The following SOX6 variants were observed in gnomAD, a reference collection of about 807,000 sequenced individuals.
SOX6 encodes the protein transcription factor SOX-6.
A neutral mutation model predicts 97.8 loss-of-function variants in SOX6; 11 were observed. That is an observed-to-expected ratio of 0.11 (90% confidence interval 0.07 to 0.19). The LOEUF is 0.19. Ranked by LOEUF, SOX6 falls within the 10% of genes least tolerant of loss-of-function variation. SOX6 has a pLI of 1.00. For synonymous variants in SOX6, 360 were observed against 371.4 expected, an observed-to-expected ratio of 0.97 and a Z score of 0.35; for missense variants, 810 against 1,039.5, an observed-to-expected ratio of 0.78 and a Z score of 3.04.
At chr11:16,466,930 CAAAAAAAAA>C (rs764424447) in intron 1 of SOX6, among the ~76,000 whole-genome samples, 1 of 41,544 alleles carries the variant, frequency 2.4e-5, no homozygotes, top group East Asian at 1.4e-3. Context: ...GACTCCGTCT[CAAAAAAAAA>C]AAAAAAAAAA....
chr11:16,236,001 T>C (rs1024819261), intron 3 of SOX6, among the ~76,000 whole-genome samples: 6 of 152,070 alleles, frequency 3.9e-5, no homozygotes, highest in Non-Finnish European at 8.8e-5. Context: ...GAACTGGCTA[T>C]CACAGAGCTG....
chr11:16,228,876 A>G (rs1342119424), intron 4 of SOX6, among the ~76,000 whole-genome samples: 1 of 152,178 alleles, frequency 6.6e-6, no homozygotes, highest in Admixed American at 6.5e-5. Flanking sequence ...CAGTCTTCCA[A>G]CTCCTATCAA....
Position 16,413,042 on chromosome 11 carries a change from A to G in SOX6, c.-5+63273T>C, listed in dbSNP as rs566073060. ...AAGAAAACCAGAACAAATGCTGCAT[A>G]GTGAAAACAGTAAACAGCAAAAGAG... On this transcript the variant is annotated intron_variant, in intron 1 of 15. Transcript: ENST00000396356. 3.3e-5 allele frequency among the ~76,000 whole-genome samples: 5 copies of G among 152,358 alleles called. No homozygotes were observed. The South Asian group carries it at 1.0e-3, about 32-fold the overall frequency.
intron 13 of SOX6, among the ~76,000 whole-genome samples, chr11:16,000,407 G>A (rs889367731): frequency 3.9e-5 from 6 of 152,274 alleles, no homozygotes; most frequent in South Asian, 2.1e-4. Flanking sequence ...GTGATCTAGT[G>A]ACAGGTGAAA....
At chr11:16,074,843 A>C (rs1848315407) in intron 9 of SOX6, among the ~76,000 whole-genome samples, 1 of 152,196 alleles carries the variant, frequency 6.6e-6, no homozygotes, top group Admixed American at 6.5e-5. Context: ...TATCAATGAC[A>C]TTCTTCATAG....
chr11:15,994,435 T>TAA lies in SOX6; in HGVS notation c.1733-5207_1733-5206dup, dbSNP rs5789931. The stretch of plus-strand genomic sequence containing the variant: ...AAGCTGGCGATGGCTTGGGTTTATG[T>TAA]AAAAAAAAAAAAAAAGGGGAGTATA... On this transcript the variant is annotated intron_variant, in intron 13 of 15. Coordinates refer to ENST00000683767, the MANE Select transcript of SOX6 (RefSeq NM_001367873.1). Among the ~76,000 whole-genome samples the TAA allele has an allele frequency of 1.6e-3, 213 of 135,920 alleles. 2 individuals carry two copies. Among genetic ancestry groups the TAA allele is most frequent in the African/African-American group, 5.5e-3 (201 of 36,474 alleles). 89.2% of individuals were successfully genotyped at this position (135,920 alleles called of 152,430 possible). A position where few individuals can be genotyped will look rare whatever the true frequency, so the allele number is the denominator to read the frequency against.
chr11:16,623,776 A>G (rs1848581998), intron 3 of SOX6, among the ~76,000 whole-genome samples: 1 of 152,196 alleles, frequency 6.6e-6, no homozygotes, highest in Non-Finnish European at 1.5e-5. Context: ...ATTCTTCTAC[A>G]TGTGGCTTGC....
intron 4 of SOX6, among the ~76,000 whole-genome samples, chr11:16,560,480 T>C (rs1009831008): frequency 6.7e-6 from 1 of 149,424 alleles, no homozygotes; most frequent in Non-Finnish European, 1.5e-5. Context: ...CGTACATATA[T>C]GTTTATACGT....
At chr11:16,055,406 A>G (rs1301148953) in intron 10 of SOX6, among the ~76,000 whole-genome samples, 1 of 152,150 alleles carries the variant, frequency 6.6e-6, no homozygotes, top group Non-Finnish European at 1.5e-5. Context: ...CTGCCTGTTT[A>G]AGACACATGA....
intron 4 of SOX6, among the ~76,000 whole-genome samples, chr11:16,496,637 A>C (rs190457028): frequency 3.3e-5 from 5 of 152,306 alleles, no homozygotes; most frequent in African/African-American, 1.2e-4. Flanking sequence ...GCACTTTTCC[A>C]ATGGTCTTAG....
At position 16,176,409 on chromosome 11, in the gene SOX6, A is replaced by T. The variant is rs1008874763; in HGVS notation, c.777+7477T>A. ...CTGTCACTCACTGCTCACATTCATC[A>T]GATGAAGAAGGTAGTTATAAAAAAA... is the stretch of plus-strand genomic sequence containing the variant. On this transcript the variant is annotated intron_variant, in intron 6 of 15. Coordinates refer to ENST00000683767, the MANE Select transcript of SOX6 (RefSeq NM_001367873.1). Among the ~76,000 whole-genome samples the T allele has an allele frequency of 4.8e-4, 73 of 151,894 alleles. 1 individual carries two copies. Among genetic ancestry groups the T allele is most frequent in the African/African-American group, 1.5e-3 (63 of 41,394 alleles).
At chr11:16,025,236 T>A (rs1855181798) in intron 12 of SOX6, among the ~76,000 whole-genome samples, 1 of 152,174 alleles carries the variant, frequency 6.6e-6, no homozygotes, top group Non-Finnish European at 1.5e-5. Context: ...AACTCCTACT[T>A]ATATGTGGTT....
intron 4 of SOX6, among the ~76,000 whole-genome samples, chr11:16,564,513 A>T (rs913473086): frequency 3.3e-5 from 5 of 152,164 alleles, no homozygotes; most frequent in African/African-American, 1.2e-4. Flanking sequence ...CAGAATACAC[A>T]TCTTTTATGT....
intron 4 of SOX6, among the ~76,000 whole-genome samples, chr11:16,611,559 T>A (rs1175919513): frequency 6.6e-6 from 1 of 152,166 alleles, no homozygotes; most frequent in Non-Finnish European, 1.5e-5. Context: ...TTAAACGGGA[T>A]AACAAATAAA....
intron 15 of SOX6, among the ~76,000 whole-genome samples, chr11:15,980,850 C>T (rs1853633179): frequency 6.6e-6 from 1 of 151,958 alleles, no homozygotes; most frequent in Non-Finnish European, 1.5e-5. Flanking sequence ...ATGTTATATG[C>T]AGTGCTGTGC....
chr11:16,479,417 C>A (rs1302657531), upstream of SOX6, among the ~76,000 whole-genome samples: 1 of 151,812 alleles, frequency 6.6e-6, no homozygotes, highest in Admixed American at 6.6e-5. Context: ...GTAATCCCAG[C>A]TACTCAGGAG....
chr11:16,018,615 T>G (rs1232370132), intron 12 of SOX6, among the ~76,000 whole-genome samples: 1 of 147,636 alleles, frequency 6.8e-6, no homozygotes, highest in Non-Finnish European at 1.5e-5. Context: ...TTATATACTA[T>G]GTTTTATACA....
chr11:16,132,306 G>A (rs376035860), intron 6 of SOX6, among the ~76,000 whole-genome samples: 70 of 112,134 alleles, frequency 6.2e-4, no homozygotes, highest in East Asian at 8.3e-4. Context: ...AAGGAAGGAA[G>A]GAAGGAAGGA....
chr11:16,492,948 A>G (rs899416644), intron 4 of SOX6, among the ~76,000 whole-genome samples: 10 of 152,228 alleles, frequency 6.6e-5, no homozygotes, highest in Non-Finnish European at 1.5e-4. Flanking sequence ...TGTTTAAACT[A>G]TAAAGACTGA....
Sources: gnomAD v4.1 joint callset for allele counts (sites outside exome capture counted in the v4.1 genomes callset) on GRCh38, gnomAD v4.1.1 for gene constraint, MANE v1.5 for transcripts, NCBI Gene and HGNC (gene_info 2026-07-23, HGNC 2026-07-21) for gene names.